PRXL2B: variants seen among roughly 807,000 people sequenced by gnomAD.
PRXL2B encodes the protein prostamide/prostaglandin F synthase.
PRXL2B carries 26 observed loss-of-function variants against 24.4 expected under a neutral mutation model. The observed-to-expected ratio is 1.07, with a 90% CI of 0.78 to 1.48. The LOEUF (loss-of-function observed/expected upper bound fraction) is 1.48, where lower values mean the gene tolerates loss of function less well. PRXL2B is among the 40% of genes most tolerant of loss of function. PRXL2B has a pLI of 0.00. For missense variants in PRXL2B, 269 were observed against 264.8 expected, an observed-to-expected ratio of 1.02 and a Z score of -0.11; for synonymous variants, 115 against 118.9, an observed-to-expected ratio of 0.97 and a Z score of 0.21.
In PRXL2B at chr1:2,591,461, T is replaced by C. The variant is rs376877706; in HGVS notation, c.*2034T>C. 354 of 1,027,208 alleles carry C rather than the reference T, an allele frequency of 3.4e-4. No homozygotes were observed. In the East Asian group the frequency reaches 6.8e-3, roughly 20 times the overall value. The allele number at this position is 1,027,208 out of a possible 1,614,324, so 63.6% of individuals were successfully genotyped here. A position where few individuals can be genotyped will look rare whatever the true frequency, so the allele number is the denominator to read the frequency against. On this transcript the variant is annotated 3_prime_UTR_variant, in exon 7 of 7. Transcript: ENST00000419916. ...TATTCCCAAAATAAACCTGTCTCTG[T>C]TGAGCCACTTTTTGTGCTTTCTTCT... is the stretch of plus-strand genomic sequence containing the variant.
chr1:2,586,969 G>T, intron 1 of PRXL2B, 21 bp downstream of exon 1: 1 of 1,318,528 alleles, frequency 7.6e-7, no homozygotes, highest in East Asian at 3.0e-5. Context: ...GTGGACGCAG[G>T]GCGGTGGGCG....
chr1:2,588,833 A>T (rs1644597723), intron 5 of PRXL2B, 89 bp from the exon 6 acceptor site: 3 of 1,368,312 alleles, frequency 2.2e-6, no homozygotes, highest in Non-Finnish European at 3.1e-6. Context: ...ATGGCTGGCC[A>T]GGGCTGCCCT....
rs536435450 is a variant in PRXL2B, at chr1:2,589,631, C to A, written c.*204C>A. The A allele has an allele frequency of 1.5e-6, 1 of 681,962 alleles. No individual in the cohort carries two copies. Among genetic ancestry groups the A allele is most frequent in the Non-Finnish European group, 2.5e-6 (1 of 403,922 alleles). The allele number at this position is 681,962 out of a possible 1,614,324, so 42.2% of individuals were successfully genotyped here. On this transcript the variant is annotated 3_prime_UTR_variant, in exon 7 of 7. Transcript: ENST00000419916. ...GCTCCGAGCCCTGCATCCTCCACAG[C>A]CCCCGCCTTGCTCACTGTTGGGCCC...
chr1:2,589,312 C>G, intron 6 of PRXL2B, 98 bp from the exon 7 acceptor site: 2 of 1,538,212 alleles, frequency 1.3e-6, no homozygotes, highest in Non-Finnish European at 1.8e-6. Flanking sequence ...GGCGTGTCCT[C>G]TCAGCCTTGG....
rs886265658 is a variant in PRXL2B, at chr1:2,591,264, C to T, written c.*1837C>T. ...CCCATCTGACCAGAAACATGCCAAT[C>T]CTGAGAATAACCTCCCCTCCAGCCA... On this transcript the variant is annotated 3_prime_UTR_variant, in exon 7 of 7. Transcript: ENST00000419916. 3 of 598,858 alleles carry T rather than the reference C, an allele frequency of 5.0e-6. No homozygotes were observed. The highest frequency in any genetic ancestry group is 3.7e-5 in the African/African-American group (2 of 53,736). 37.1% of individuals were successfully genotyped at this position (598,858 alleles called of 1,614,324 possible).
At chr1:2,588,787 G>A in intron 5 of PRXL2B, 135 bp from the exon 6 acceptor site, 1 of 1,183,216 alleles carries the variant, frequency 8.5e-7, no homozygotes, top group Non-Finnish European at 1.2e-6. Context: ...GGCTGTGGCA[G>A]AACAGCTCAC....
Position 2,588,628 on chromosome 1 carries a change from G to T in PRXL2B, c.460+3G>T. 2 of 1,613,656 alleles carry T rather than the reference G, an allele frequency of 1.2e-6. No individual in the cohort carries two copies. The highest frequency in any genetic ancestry group is 1.3e-5 in the African/African-American group (1 of 75,068). On this transcript the variant is annotated splice_donor_region_variant and intron_variant, in intron 5 of 6. Transcript: ENST00000419916. Reference sequence around the variant, plus strand: ...AGGGCTGCTGGTGGTCAGCAAAGGTGGGTCGAGGGAGGGGCCTCGGCCACT... The same window carrying T: ...AGGGCTGCTGGTGGTCAGCAAAGGTTGGTCGAGGGAGGGGCCTCGGCCACT...
intron 3 of PRXL2B, among the ~76,000 whole-genome samples, chr1:2,588,130 C>T (rs1356553536): frequency 6.6e-6 from 1 of 152,158 alleles, no homozygotes; most frequent in African/African-American, 2.4e-5. Flanking sequence ...GAGCCAGATC[C>T]CTGGGCACAC....
Position 2,587,728 on chromosome 1 carries a change from T to A in PRXL2B, c.269-13T>A. 6.3e-7 allele frequency: 1 copy of A among 1,598,686 alleles called. No individual in the cohort carries two copies. The highest frequency in any genetic ancestry group is 8.5e-7 in the Non-Finnish European group (1 of 1,172,860). On this transcript the variant is annotated splice_polypyrimidine_tract_variant and intron_variant, in intron 2 of 6. Transcript: ENST00000419916. This position sits in a 1 kb window ranked among gnomAD's most constrained non-coding sequence, Gnocchi z 6.1. ...TGCGCCTGGGGCACACACATGTGGC[T>A]TCCGCTTTCCAGAGCTCTACCTGGA...
chr1:2,591,015 G>C lies in PRXL2B; in HGVS notation c.*1588G>C. 6.2e-7 allele frequency: 1 copy of C among 1,602,618 alleles called. No individual in the cohort carries two copies. Among genetic ancestry groups the C allele is most frequent in the Non-Finnish European group, 8.5e-7 (1 of 1,175,712 alleles). On this transcript the variant is annotated 3_prime_UTR_variant, in exon 7 of 7. Transcript: ENST00000419916. ...CTACCACACGCGGCATCGCTCCTTG[G>C]GGTGCATGGGGGTGCCCCGGGCACA...
Position 2,587,193 on chromosome 1 carries a change from A to G in PRXL2B, c.166A>G (p.Ser56Gly). ...VCRWIAQDLS[S>G]LAGLLDQHGV... ...CCGCTGGATCGCCCAGGACCTCAGCAGCCTTGCTGGGCTCCTGGACCAACA... is the reference window on the plus strand; with the variant it reads ...CCGCTGGATCGCCCAGGACCTCAGCGGCCTTGCTGGGCTCCTGGACCAACA... Residue 56 changes from serine (S) to glycine (G), a missense_variant, in exon 2 of 7, where the codon AGC (serine) becomes GGC (glycine). Physicochemically the swap from Ser to Gly is moderately conservative, Grantham distance 56. Coordinates refer to ENST00000419916, the MANE Select transcript of PRXL2B (RefSeq NM_152371.5). This position sits in a 1 kb window ranked among gnomAD's most constrained non-coding sequence, Gnocchi z 6.1. 3 of 1,565,112 alleles carry G rather than the reference A, an allele frequency of 1.9e-6. No homozygotes were observed. Among genetic ancestry groups the G allele is most frequent in the Non-Finnish European group, 1.7e-6 (2 of 1,162,088 alleles).
Position 2,587,895 on chromosome 1 carries a change from C to A in PRXL2B, c.320+103C>A. On this transcript the variant is annotated intron_variant, in intron 3 of 6. Transcript: ENST00000419916. This position sits in a 1 kb window ranked among gnomAD's most constrained non-coding sequence, Gnocchi z 6.1. ...CCCTGCTGCCCTCTGTGGTGCTGTC[C>A]ACTCGGGCCTTCCTGGGCAAGGCGG... The A allele has an allele frequency of 7.4e-7, 1 of 1,345,810 alleles. No homozygotes were observed. Among genetic ancestry groups the A allele is most frequent in the Non-Finnish European group, 1.0e-6 (1 of 985,912 alleles). 83.4% of individuals were successfully genotyped at this position (1,345,810 alleles called of 1,614,324 possible).
Position 2,587,662 on chromosome 1 carries a change from G to A in PRXL2B, c.269-79G>A. On this transcript the variant is annotated intron_variant, in intron 2 of 6. Coordinates refer to ENST00000419916, the MANE Select transcript of PRXL2B (RefSeq NM_152371.5). This position sits in a 1 kb window ranked among gnomAD's most constrained non-coding sequence, Gnocchi z 6.1. ...GCAGAGGAACAGAGGGTCGGAAGGA[G>A]GAGGGCGATTCTTTGTGGTGAGTGG... is the stretch of plus-strand genomic sequence containing the variant. 1 of 1,491,092 alleles carries A rather than the reference G, an allele frequency of 6.7e-7. No homozygotes were observed. The highest frequency in any genetic ancestry group is 9.2e-7 in the Non-Finnish European group (1 of 1,091,154). 92.4% of individuals were successfully genotyped at this position (1,491,092 alleles called of 1,614,324 possible).
chr1:2,588,690 C>G, intron 5 of PRXL2B, 65 bp downstream of exon 5: 1 of 1,536,758 alleles, frequency 6.5e-7, no homozygotes, highest in South Asian at 1.1e-5. Flanking sequence ...GGTGGCCCAG[C>G]CCAGGCCCTC....
upstream of PRXL2B, chr1:2,586,766 C>CATCTCGGG: frequency 8.1e-7 from 1 of 1,232,804 alleles, no homozygotes; most frequent in Non-Finnish European, 1.0e-6. Context: ...GGGACCGGGG[C>CATCTCGGG]ATCTCGGGGC....
intron 6 of PRXL2B, 77 bp from the exon 7 acceptor site, chr1:2,589,333 G>A: frequency 6.4e-7 from 1 of 1,574,778 alleles, no homozygotes; most frequent in Non-Finnish European, 8.6e-7. Flanking sequence ...GAGGGCTGGG[G>A]ATTGTCCAAG....
chr1:2,588,429 G>T lies in PRXL2B; in HGVS notation c.360G>T (p.Lys120Asn). 6.2e-7 allele frequency: 1 copy of T among 1,614,192 alleles called. No homozygotes were observed. The highest frequency in any genetic ancestry group is 8.5e-7 in the Non-Finnish European group (1 of 1,180,036). ...SLSILPAALG[K>N]PVRDVAAKAK... ...GCATCCTCCCAGCAGCTCTGGGGAAGCCCGTGCGTGATGTGGCTGCCAAGG... is the reference window on the plus strand; with the variant it reads ...GCATCCTCCCAGCAGCTCTGGGGAATCCCGTGCGTGATGTGGCTGCCAAGG... The change falls in exon 4 of 7, where the codon AAG (lysine) becomes AAT (asparagine). Residue 120 changes from lysine to asparagine, a missense_variant. Transcript: ENST00000419916.
In PRXL2B at chr1:2,590,613, C is replaced by G. The variant is rs1347002740; in HGVS notation, c.*1186C>G. 1 of 194,794 alleles carries G rather than the reference C, an allele frequency of 5.1e-6. No homozygotes were observed. The highest frequency in any genetic ancestry group is 1.7e-3 in the Middle Eastern group (1 of 584). The allele number at this position is 194,794 out of a possible 1,614,324, so 12.1% of individuals were successfully genotyped here. A position where few individuals can be genotyped will look rare whatever the true frequency, so the allele number is the denominator to read the frequency against. On this transcript the variant is annotated 3_prime_UTR_variant, in exon 7 of 7. Transcript: ENST00000419916. ...CTGCTACCTGTTTACCCACCCTGGT[C>G]CCTCCCAGACAAGCAAGGCCTCTGA...
upstream of PRXL2B, chr1:2,586,590 G>A (rs1240748557): frequency 3.8e-6 from 2 of 532,640 alleles, no homozygotes; most frequent in Non-Finnish European, 5.7e-6. Flanking sequence ...GCTTGGCCTG[G>A]AGTAGGAGGG....
Sources: gnomAD v4.1 joint callset for allele counts (sites outside exome capture counted in the v4.1 genomes callset) on GRCh38, gnomAD v4.1.1 for gene constraint, Gnocchi (gnomAD v3.1) non-coding constraint, MANE v1.5 for transcripts, NCBI Gene and HGNC (gene_info 2026-07-23, HGNC 2026-07-21) for gene names.